GRB10: variants seen among roughly 807,000 people sequenced by gnomAD.
The protein encoded by GRB10 is growth factor receptor bound protein 10.
Under a neutral mutation model 80.9 loss-of-function variants are expected in GRB10, and 20 were observed. The observed-to-expected ratio is 0.25, with a 90% CI of 0.17 to 0.36. The LOEUF is 0.36. Among genes scored for constraint, GRB10 ranks in the 10% least tolerant of loss-of-function variants. The probability of loss-of-function intolerance (pLI) is 1.00; values close to 1 mark genes in which losing one functional copy is unlikely to be tolerated. For missense variants in GRB10, 548 were observed against 747.7 expected, an observed-to-expected ratio of 0.73 and a Z score of 3.12; for synonymous variants, 291 against 291.5, an observed-to-expected ratio of 1.00 and a Z score of 0.02.
chr7:50,650,181 G>A (rs2057829827), intron 7 of GRB10, among the ~76,000 whole-genome samples: 2 of 152,210 alleles, frequency 1.3e-5, no homozygotes, highest in Non-Finnish European at 2.9e-5. Flanking sequence ...ACTTAGGGAA[G>A]CAAGTTTCTA....
At chr7:50,733,922 C>G (rs2070343928) in intron 3 of GRB10, among the ~76,000 whole-genome samples, 1 of 152,168 alleles carries the variant, frequency 6.6e-6, no homozygotes, top group South Asian at 2.1e-4. Flanking sequence ...CTGAGATTTC[C>G]TAGAGAAACA....
intron 17 of GRB10, among the ~76,000 whole-genome samples, chr7:50,600,130 T>A (rs926461822): frequency 6.6e-6 from 1 of 151,798 alleles, no homozygotes; most frequent in African/African-American, 2.4e-5. Flanking sequence ...GTAACAGAGG[T>A]CCCCCTAGAA....
chr7:50,745,687 C>A (rs572077355), intron 3 of GRB10, among the ~76,000 whole-genome samples: 2 of 152,318 alleles, frequency 1.3e-5, no homozygotes, highest in East Asian at 3.9e-4. Context: ...TAAAACAGCC[C>A]TTGGATTTAA....
intron 8 of GRB10, among the ~76,000 whole-genome samples, chr7:50,622,269 G>A (rs1043296671): frequency 4.6e-5 from 7 of 152,212 alleles, no homozygotes; most frequent in African/African-American, 1.7e-4. Context: ...AAAAGGGAGA[G>A]AGGGACATAA....
chr7:50,637,718 CAAAA>C (rs59247142), intron 7 of GRB10, among the ~76,000 whole-genome samples: 11 of 148,682 alleles, frequency 7.4e-5, no homozygotes, highest in South Asian at 4.3e-4. Context: ...TCATGTGGAA[CAAAA>C]AAAAAAAAAG....
intron 7 of GRB10, among the ~76,000 whole-genome samples, chr7:50,659,554 G>A (rs868559488): frequency 6.6e-6 from 1 of 152,200 alleles, no homozygotes; most frequent in African/African-American, 2.4e-5. Context: ...CTCCCAGGTC[G>A]CTCTGGGTCC....
Position 50,760,950 on chromosome 7 carries a change from C to T in GRB10, c.-216-4894G>A, listed in dbSNP as rs954095613. ...CAACCTATTACCTGTCAGAATCTTA[C>T]CAAATGCTTTACAATCTCTCATGGG... On this transcript the variant is annotated intron_variant, in intron 2 of 18. Transcript: ENST00000401949. Among the ~76,000 whole-genome samples, 9 of 152,204 alleles carry T rather than the reference C, an allele frequency of 5.9e-5. 1 individual carries two copies. Among genetic ancestry groups the T allele is most frequent in the Admixed American group, 5.9e-4 (9 of 15,284 alleles).
intron 9 of GRB10, among the ~76,000 whole-genome samples, chr7:50,618,930 TTTACACTGTGTC>T (rs2051143766): frequency 6.6e-6 from 1 of 152,182 alleles, no homozygotes; most frequent in African/African-American, 2.4e-5. Flanking sequence ...ACTAACCCCC[TTTACACTGTGTC>T]TATGTGAAGA....
intron 3 of GRB10, among the ~76,000 whole-genome samples, chr7:50,744,967 G>C (rs914157786): frequency 6.6e-6 from 1 of 152,258 alleles, no homozygotes; most frequent in South Asian, 2.1e-4. Context: ...GTTTGTGTAA[G>C]TTTTGACAAA....
intron 6 of GRB10, among the ~76,000 whole-genome samples, chr7:50,670,200 T>G (rs942329837): frequency 2.0e-5 from 3 of 152,022 alleles, no homozygotes; most frequent in Non-Finnish European, 4.4e-5. Flanking sequence ...AGAGACACTG[T>G]GTGATTTCAC....
intron 4 of GRB10, 83 bp from the exon 5 acceptor site, chr7:50,703,991 T>C: frequency 1.1e-6 from 1 of 879,984 alleles, no homozygotes; most frequent in Non-Finnish European, 1.9e-6. Flanking sequence ...TCCCCAGCAT[T>C]TCCTTTCTTC....
At chr7:50,792,010 T>C (rs2078938538) in intron 1 of GRB10, among the ~76,000 whole-genome samples, 1 of 152,190 alleles carries the variant, frequency 6.6e-6, no homozygotes, top group Non-Finnish European at 1.5e-5. Context: ...CAGCATTGTG[T>C]TGTAAACCCT....
chr7:50,749,119 T>TTTGTTTTC (rs1186541129), intron 3 of GRB10, among the ~76,000 whole-genome samples: 1 of 75,844 alleles, frequency 1.3e-5, no homozygotes, highest in Non-Finnish European at 3.9e-5. Context: ...TTTGTTTTGT[T>TTTGTTTTC]TTGTTTTTTT....
At chr7:50,735,331 T>C (rs1299349197) in intron 3 of GRB10, among the ~76,000 whole-genome samples, 1 of 152,204 alleles carries the variant, frequency 6.6e-6, no homozygotes, top group Non-Finnish European at 1.5e-5. Context: ...ACATGCTGTG[T>C]TGGAGGAACT....
At chr7:50,727,966 C>T (rs1162082273) in intron 4 of GRB10, 1 of 152,184 alleles carries the variant, frequency 6.6e-6, no homozygotes, top group Admixed American at 6.5e-5. Context: ...CAACACACTG[C>T]CTGTTTTACC....
intron 8 of GRB10, among the ~76,000 whole-genome samples, chr7:50,625,450 A>T (rs2052703798): frequency 6.6e-6 from 1 of 152,170 alleles, no homozygotes; most frequent in Admixed American, 6.5e-5. Context: ...AAGGTTTCCC[A>T]CTGCTGTCTA....
In GRB10 at chr7:50,626,717, C is replaced by T. The variant is rs75675645; in HGVS notation, c.661+105G>A. 3.1e-3 allele frequency: 4,013 copies of T among 1,307,962 alleles called. 97 individuals carry two copies. The African/African-American group carries it at 0.05, about 16-fold the overall frequency. 81.0% of individuals were successfully genotyped at this position (1,307,962 alleles called of 1,614,324 possible). On this transcript the variant is annotated intron_variant, in intron 8 of 18. Transcript: ENST00000401949. ...GAACCCAGAGACTGCCTGCTAATTT[C>T]GCAGGGGACACTGCGGTCACACATT...
At chr7:50,648,966 T>C (rs1291324410) in intron 7 of GRB10, among the ~76,000 whole-genome samples, 1 of 152,160 alleles carries the variant, frequency 6.6e-6, no homozygotes, top group East Asian at 1.9e-4. Flanking sequence ...TTCCTGCTCC[T>C]GAGTGGCCAC....
intron 18 of GRB10, among the ~76,000 whole-genome samples, chr7:50,593,488 C>A (rs1213475047): frequency 1.3e-5 from 2 of 152,082 alleles, no homozygotes; most frequent in African/African-American, 4.8e-5. Flanking sequence ...CCTGGGTCCT[C>A]ACTATACGAC....
Sources: gnomAD v4.1 joint callset for allele counts (sites outside exome capture counted in the v4.1 genomes callset) on GRCh38, gnomAD v4.1.1 for gene constraint, MANE v1.5 for transcripts, NCBI Gene and HGNC (gene_info 2026-07-23, HGNC 2026-07-21) for gene names.